PROM1: variants seen among roughly 807,000 people sequenced by gnomAD.
PROM1 encodes the protein prominin-1.
A neutral mutation model predicts 116.9 loss-of-function variants in PROM1; 105 were observed. The observed-to-expected ratio is 0.90, with a 90% CI of 0.77 to 1.06. The LOEUF is 1.06. PROM1 is among the 50% of genes least tolerant of loss of function. PROM1 has a pLI of 0.00. For synonymous variants in PROM1, 393 were observed against 387.0 expected (o/e 1.02, Z -0.18); for missense variants, 1,122 against 1,045.2 (o/e 1.07, Z -1.01).
chr4:16,065,484 A>C (rs966807674), intron 2 of PROM1, among the ~76,000 whole-genome samples: 1 of 152,168 alleles, frequency 6.6e-6, no homozygotes, highest in African/African-American at 2.4e-5. Context: ...CATACCTCAT[A>C]GTAAGCACGG....
intron 2 of PROM1, among the ~76,000 whole-genome samples, chr4:16,044,507 T>C (rs1321448519): frequency 6.6e-6 from 1 of 152,212 alleles, no homozygotes; most frequent in East Asian, 1.9e-4. Context: ...GGTCCCTCTT[T>C]TGCCTTTGGT....
rs373131463 is a variant in PROM1 at position 16,038,904 on chromosome 4, T to C, written c.276+42A>G. 4.2e-6 allele frequency: 6 copies of C among 1,441,708 alleles called. No individual in the cohort carries two copies. In the African/African-American group the frequency reaches 7.4e-5, roughly 18 times the overall value. 89.3% of individuals were successfully genotyped at this position (1,441,708 alleles called of 1,614,324 possible). A position where few individuals can be genotyped will look rare whatever the true frequency, so the allele number is the denominator to read the frequency against. ...TTCAAGTCAGCCAAAATTTTTCTCA[T>C]ACTTCGTATTTTTAATAATAAATAC... On this transcript the variant is annotated intron_variant, in intron 3 of 27. Coordinates refer to ENST00000447510, the MANE Select transcript of PROM1 (RefSeq NM_006017.3).
Position 16,045,609 on chromosome 4 carries a change from G to C in PROM1, c.221-6608C>G, listed in dbSNP as rs367570730. Among the ~76,000 whole-genome samples, 119 of 152,204 alleles carry C rather than the reference G, an allele frequency of 7.8e-4. No homozygotes were observed. In the South Asian group the frequency reaches 0.014, roughly 18 times the overall value. ...ACCAGTAGCCTATCCTGTCAGCTTTGACTAAACAAAGAATGAGAAAAAACA... is the reference window on the plus strand; with the variant it reads ...ACCAGTAGCCTATCCTGTCAGCTTTCACTAAACAAAGAATGAGAAAAAACA... On this transcript the variant is annotated intron_variant, in intron 2 of 27. Transcript: ENST00000447510.
In PROM1 at chr4:16,038,619, T is replaced by G. The variant is rs569902358; in HGVS notation, c.276+327A>C. Among the ~76,000 whole-genome samples, 71 of 152,250 alleles carry G rather than the reference T, an allele frequency of 4.7e-4. 1 individual carries two copies. Among genetic ancestry groups the G allele is most frequent in the African/African-American group, 1.6e-3 (67 of 41,536 alleles). On this transcript the variant is annotated intron_variant, in intron 3 of 27. Transcript: ENST00000447510. ...AGTTTCACCATATTGGCCAGGCTGG[T>G]CTCAGACTCCTGACCTGGTGATCTG...
intron 8 of PROM1, among the ~76,000 whole-genome samples, chr4:16,023,000 C>T (rs1276426857): frequency 6.6e-6 from 1 of 152,140 alleles, no homozygotes; most frequent in Non-Finnish European, 1.5e-5. Context: ...CTCAACTCTG[C>T]CATCATAGCA....
chr4:16,011,541 G>A (rs150711827), intron 11 of PROM1, among the ~76,000 whole-genome samples: 27 of 152,192 alleles, frequency 1.8e-4, no homozygotes, highest in Admixed American at 1.7e-3. Flanking sequence ...ACCATGGGCC[G>A]CACTCAATGC....
chr4:16,054,020 G>A (rs1456088276), intron 2 of PROM1, among the ~76,000 whole-genome samples: 1 of 152,206 alleles, frequency 6.6e-6, no homozygotes, highest in Non-Finnish European at 1.5e-5. Context: ...CTTGAACCTG[G>A]GAGGTGGAGG....
chr4:15,986,507 A>G (rs1401372381), intron 20 of PROM1, among the ~76,000 whole-genome samples: 3 of 152,124 alleles, frequency 2.0e-5, no homozygotes, highest in Non-Finnish European at 4.4e-5. Context: ...TGCAAATTGG[A>G]AATGGGGCCT....
intron 1 of PROM1, chr4:16,079,932 T>A (rs192450174): frequency 1.6e-5 from 2 of 127,786 alleles, no homozygotes; most frequent in East Asian, 4.9e-4. Flanking sequence ...TATTTCTGTA[T>A]CCCCAGAGCC....
At position 15,979,401 on chromosome 4, in the gene PROM1, A is replaced by G. The variant is rs1241742160; in HGVS notation, c.2576T>C (p.Met859Thr). 5.6e-6 allele frequency: 9 copies of G among 1,613,728 alleles called. No homozygotes were observed. The African/African-American group carries it at 1.2e-4, about 22-fold the overall frequency. ...CTTCCAGACTTTGCTTTACCTTGTC[A>G]TAACAGGATTGTGAATACCATATAC... is the stretch of plus-strand genomic sequence containing the variant. ...DHVYGIHNPV[M>T]TSPSQH Residue 859 changes from methionine (M) to threonine (T), a missense_variant, in exon 26 of 28, where the codon ATG becomes ACG. Coordinates refer to ENST00000447510, the MANE Select transcript of PROM1 (RefSeq NM_006017.3).
rs772002283 is a variant in PROM1, at chr4:15,991,300, T to A, written c.1912-7A>T. On this transcript the variant is annotated splice_region_variant and splice_polypyrimidine_tract_variant and intron_variant, in intron 17 of 27. Coordinates refer to ENST00000447510, the MANE Select transcript of PROM1 (RefSeq NM_006017.3). ...CTGCGGGGGATTTACCAGTCTACAA[T>A]AGAAGTGAAAAAAATTGTCTTATGG... 1 of 1,584,076 alleles carries A rather than the reference T, an allele frequency of 6.3e-7. No homozygotes were observed. Among genetic ancestry groups the A allele is most frequent in the Non-Finnish European group, 8.5e-7 (1 of 1,169,624 alleles).
At chr4:16,034,364 T>C (rs1207317507) in intron 4 of PROM1, among the ~76,000 whole-genome samples, 2 of 152,106 alleles carry the variant, frequency 1.3e-5, no homozygotes, top group Non-Finnish European at 2.9e-5. Flanking sequence ...TTGTGAAAAT[T>C]AGAGATAACG....
chr4:16,006,475 G>C (rs781771039), intron 13 of PROM1, 63 bp downstream of exon 13: 50 of 1,497,680 alleles, frequency 3.3e-5, no homozygotes, highest in Non-Finnish European at 4.3e-5. Context: ...TAACACCAGA[G>C]TCAGCACCCA....
rs755064227 is a variant in PROM1, at chr4:16,075,749, C to T, written c.158G>A (p.Gly53Asp). Residue 53 changes from glycine to aspartate, a missense_variant, in exon 2 of 28, where the codon GGC becomes GAC. By Grantham distance (94) the Gly-to-Asp change is moderately conservative (BLOSUM62 -1). Coordinates refer to ENST00000447510, the MANE Select transcript of PROM1 (RefSeq NM_006017.3). ...GATATGCACTAGTTCAAAGAGAATG[C>T]CAATGGGTCCAGCTTTATGGGAGTC... ...TQDSHKAGPI[G>D]ILFELVHIFL... 45 of 1,613,668 alleles carry T rather than the reference C, an allele frequency of 2.8e-5. No individual in the cohort carries two copies. The East Asian group carries it at 9.6e-4, about 34-fold the overall frequency.
intron 22 of PROM1, among the ~76,000 whole-genome samples, chr4:15,985,164 T>C (rs1018303291): frequency 3.9e-5 from 6 of 152,202 alleles, no homozygotes; most frequent in Non-Finnish European, 7.3e-5. Context: ...ACTATTTACA[T>C]AGCATGTACA....
At chr4:16,052,119 G>A (rs983978971) in intron 2 of PROM1, among the ~76,000 whole-genome samples, 5 of 152,206 alleles carry the variant, frequency 3.3e-5, no homozygotes, top group Non-Finnish European at 7.3e-5. Context: ...CCCACAGCCA[G>A]TGTGGAGATG....
chr4:16,055,787 T>C (rs1339908646), intron 2 of PROM1, among the ~76,000 whole-genome samples: 1 of 152,220 alleles, frequency 6.6e-6, no homozygotes, highest in Non-Finnish European at 1.5e-5. Flanking sequence ...TTACTAGTGG[T>C]GGCATAAACA....
intron 11 of PROM1, among the ~76,000 whole-genome samples, chr4:16,011,816 CT>C (rs1243081218): frequency 2.0e-5 from 3 of 152,154 alleles, no homozygotes; most frequent in Admixed American, 1.3e-4. Flanking sequence ...AGATAAAACA[CT>C]TTTCTACTCA....
At position 16,006,662 on chromosome 4, in the gene PROM1, G is replaced by A. The variant is rs368868012; in HGVS notation, c.1330C>T (p.Leu444=). The A allele has an allele frequency of 4.0e-5, 65 of 1,613,222 alleles. No homozygotes were observed. The African/African-American group carries it at 8.1e-4, about 20-fold the overall frequency. ...TAAAAAATCACGATGAGGGTCAGCA[G>A]AGAGCAGATGACCAGGCCACCCAGC... ...WWLGGLVICS[L]LTLIVIFYYL... is the part of the protein sequence containing the mutation. Residue 444 remains leucine (L), a synonymous_variant, in exon 13 of 28, where the codon CTG becomes TTG. Coordinates refer to ENST00000447510, the MANE Select transcript of PROM1 (RefSeq NM_006017.3).
Sources: gnomAD v4.1 joint callset for allele counts (sites outside exome capture counted in the v4.1 genomes callset) on GRCh38, gnomAD v4.1.1 for gene constraint, MANE v1.5 for transcripts, NCBI Gene and HGNC (gene_info 2026-07-23, HGNC 2026-07-21) for gene names.